Variants in BCO2 observed in about 807,000 individuals in gnomAD.
BCO2 encodes carotenoid-cleaving dioxygenase, mitochondrial.
A neutral mutation model predicts 65.8 loss-of-function variants in BCO2; 56 were observed. That is an observed-to-expected ratio of 0.85 (90% CI 0.69 to 1.06). The LOEUF is 1.06. Ranked by LOEUF, BCO2 falls within the 50% of genes least tolerant of loss-of-function variation. The pLI is 0.00. For synonymous variants in BCO2, 233 were observed against 242.3 expected (o/e 0.96, Z 0.36); for missense variants, 675 against 698.5 (o/e 0.97, Z 0.38).
chr11:112,178,212 G>A (rs1294504549), intron 1 of BCO2, among the ~76,000 whole-genome samples: 1 of 151,950 alleles, frequency 6.6e-6, no homozygotes, highest in South Asian at 2.1e-4. Context: ...ACCGTGCCCC[G>A]CTGGAATTTT....
intron 8 of BCO2, among the ~76,000 whole-genome samples, chr11:112,213,305 G>T (rs1014717504): frequency 6.6e-6 from 1 of 151,356 alleles, no homozygotes; most frequent in Non-Finnish European, 1.5e-5. Context: ...CACCATGCCC[G>T]GCTAATTTTG....
chr11:112,177,977 C>T (rs550221043), intron 1 of BCO2, among the ~76,000 whole-genome samples: 62 of 81,706 alleles, frequency 7.6e-4, no homozygotes, highest in African/African-American at 2.7e-3. Context: ...GCTGCGATCT[C>T]GGCTCACTGC....
In BCO2 at chr11:112,185,814, G is replaced by A. The variant is rs553908121; in HGVS notation, c.293+6332G>A. On this transcript the variant is annotated intron_variant, in intron 2 of 11. Coordinates refer to ENST00000357685, the MANE Select transcript of BCO2 (RefSeq NM_031938.7). ...ACCATCTTAACCACTTTTATATATA[G>A]AATTTAATGGCATTAAGTAGATTCA... Among the ~76,000 whole-genome samples, 4 of 152,184 alleles carry A rather than the reference G, an allele frequency of 2.6e-5. No individual in the cohort carries two copies. In the South Asian group the frequency reaches 8.3e-4, roughly 32 times the overall value.
At chr11:112,217,695 G>A (rs1859722103) in intron 11 of BCO2, 66 bp from the exon 12 acceptor site, 4 of 1,120,754 alleles carry the variant, frequency 3.6e-6, no homozygotes, top group Non-Finnish European at 5.3e-6. Context: ...TTACAGCTTA[G>A]TGGAGGAGAC....
intron 1 of BCO2, among the ~76,000 whole-genome samples, chr11:112,177,612 T>C (rs954910874): frequency 1.7e-4 from 26 of 152,216 alleles, no homozygotes; most frequent in African/African-American, 6.3e-4. Flanking sequence ...AATATAATAA[T>C]AGCATTTTTT....
intron 5 of BCO2, among the ~76,000 whole-genome samples, chr11:112,197,772 C>T (rs549249543): frequency 5.9e-5 from 9 of 152,240 alleles, no homozygotes; most frequent in African/African-American, 2.2e-4. Flanking sequence ...TCCTTTTAAC[C>T]CACACCCACT....
At chr11:112,215,526 C>G (rs956360080) in intron 10 of BCO2, 1 of 154,172 alleles carries the variant, frequency 6.5e-6, no homozygotes, top group Non-Finnish European at 1.4e-5. Flanking sequence ...CTGGCCAACA[C>G]GGTGAAACCC....
intron 8 of BCO2, among the ~76,000 whole-genome samples, chr11:112,207,606 T>G (rs565142067): frequency 6.6e-6 from 1 of 152,376 alleles, no homozygotes; most frequent in East Asian, 1.9e-4. Flanking sequence ...ATTTTTCTTT[T>G]GAAAAGAGTG....
chr11:112,175,847 A>C, intron 1 of BCO2, 158 bp downstream of exon 1: 1 of 525,494 alleles, frequency 1.9e-6, no homozygotes, highest in Non-Finnish European at 3.5e-6. Flanking sequence ...CTGGAAGTTA[A>C]AGAAGGCTGA....
rs1566804505 is a variant in BCO2 at position 112,216,282 on chromosome 11, T to C, written c.1578T>C (p.Asn526=). 6.2e-6 allele frequency: 10 copies of C among 1,614,174 alleles called. No individual in the cohort carries two copies. The highest frequency in any genetic ancestry group is 8.5e-6 in the Non-Finnish European group (10 of 1,180,004). The change falls in exon 11 of 12, where the codon AAT becomes AAC. Residue 526 remains asparagine (N), a synonymous_variant. Coordinates refer to ENST00000357685, the MANE Select transcript of BCO2 (RefSeq NM_031938.7). Reference sequence around the variant, plus strand: ...TTTTTGTTCCAGCACCAGGAACCAATGAAGAAGATGGTGGGGTTATTCTTT... The same window carrying C: ...TTTTTGTTCCAGCACCAGGAACCAACGAAGAAGATGGTGGGGTTATTCTTT... The part of the protein sequence containing the change: ...EPVFVPAPGT[N]EEDGGVILSV...
chr11:112,201,759 T>C (rs1177756393), intron 7 of BCO2, among the ~76,000 whole-genome samples: 1 of 152,226 alleles, frequency 6.6e-6, no homozygotes, highest in Non-Finnish European at 1.5e-5. Flanking sequence ...CTATATTTCA[T>C]GAGGGATTTT....
At chr11:112,194,516 A>G (rs1201475079) in intron 4 of BCO2, 137 bp from the exon 5 acceptor site, 2 of 589,308 alleles carry the variant, frequency 3.4e-6, no homozygotes, top group Non-Finnish European at 5.9e-6. Flanking sequence ...AATAATTTTT[A>G]TTTCTCAGAG....
rs183218748 is a variant in BCO2 at position 112,177,971 on chromosome 11, C to T, written c.89-1307C>T. Among the ~76,000 whole-genome samples the T allele has an allele frequency of 2.2e-3, 245 of 108,972 alleles. 1 individual carries two copies. Among genetic ancestry groups the T allele is most frequent in the African/African-American group, 8.2e-3 (227 of 27,638 alleles). The allele number at this position is 108,972 out of a possible 152,430, so 71.5% of individuals were successfully genotyped here. ...TTGCCCAGGCTGGAGTGCAGTGCTG[C>T]GATCTCGGCTCACTGCAACCTTTGT... is the stretch of plus-strand genomic sequence containing the variant. On this transcript the variant is annotated intron_variant, in intron 1 of 11. Transcript: ENST00000357685.
intron 2 of BCO2, among the ~76,000 whole-genome samples, 171 bp from the exon 3 acceptor site, chr11:112,193,303 A>G (rs1217452728): frequency 6.6e-6 from 1 of 152,034 alleles, no homozygotes; most frequent in East Asian, 1.9e-4. Flanking sequence ...TACCTAGGAT[A>G]TACCCAAAAT....
At chr11:112,177,420 A>G (rs780900336) in intron 1 of BCO2, among the ~76,000 whole-genome samples, 11 of 152,198 alleles carry the variant, frequency 7.2e-5, no homozygotes, top group Non-Finnish European at 4.4e-5. Flanking sequence ...TAGTCCTCAT[A>G]CCAGACTCTG....
intron 2 of BCO2, chr11:112,181,237 A>G (rs907600886): frequency 4.8e-5 from 31 of 645,810 alleles, no homozygotes; most frequent in Non-Finnish European, 5.1e-5. Context: ...GCTGGAGTGC[A>G]GTGGCGGGAT....
At chr11:112,205,541 A>C (rs1004092331) in intron 8 of BCO2, among the ~76,000 whole-genome samples, 8 of 152,180 alleles carry the variant, frequency 5.3e-5, no homozygotes, top group Non-Finnish European at 7.4e-5. Context: ...TGAAGCCTCA[A>C]ACTCCTGGGA....
chr11:112,178,185 G>A (rs1361158641), intron 1 of BCO2, among the ~76,000 whole-genome samples: 1 of 151,980 alleles, frequency 6.6e-6, no homozygotes, highest in Non-Finnish European at 1.5e-5. Context: ...AAAGTGCTGG[G>A]ATTACAGACT....
rs1859621230 is a variant in BCO2 at position 112,214,939 on chromosome 11, C to G, written c.1510C>G (p.Leu504Val). Residue 504 changes from leucine to valine, a missense_variant, in exon 10 of 12, where the codon CTG (leucine) becomes GTG (valine). Physicochemically the swap from Leu to Val is conservative, Grantham distance 32. Coordinates refer to ENST00000357685, the MANE Select transcript of BCO2 (RefSeq NM_031938.7). ...CAAGGTTGATGTGGTGAATAAGACACTGAAGGTGATGAAAAACTCTTTCCT... is the reference window on the plus strand; with the variant it reads ...CAAGGTTGATGTGGTGAATAAGACAGTGAAGGTGATGAAAAACTCTTTCCT... ...LIKVDVVNKT[L>V]KVWREDGFYP... The G allele has an allele frequency of 1.9e-6, 3 of 1,614,076 alleles. No homozygotes were observed. The highest frequency in any genetic ancestry group is 1.6e-4 in the Middle Eastern group (1 of 6,062).
Sources: gnomAD v4.1 joint callset for allele counts (sites outside exome capture counted in the v4.1 genomes callset) on GRCh38, gnomAD v4.1.1 for gene constraint, MANE v1.5 for transcripts, NCBI Gene and HGNC (gene_info 2026-07-23, HGNC 2026-07-21) for gene names.